ATP8B4: variants seen among roughly 807,000 people sequenced by gnomAD.
The protein encoded by ATP8B4 is probable phospholipid-transporting ATPase IM.
In ATP8B4, 133 loss-of-function variants were observed where a neutral mutation model predicts 145.6. The ratio of observed to expected loss-of-function variants is 0.91; its 90% CI spans 0.79 to 1.05. The LOEUF is 1.05. Ranked by LOEUF, ATP8B4 falls within the 50% of genes least tolerant of loss-of-function variation. ATP8B4 has a pLI of 0.00. For synonymous variants in ATP8B4, 507 were observed against 492.9 expected (o/e 1.03, Z -0.38); for missense variants, 1,458 against 1,425.2 (o/e 1.02, Z -0.37).
intron 23 of ATP8B4, among the ~76,000 whole-genome samples, chr15:49,883,717 T>C (rs1278435489): frequency 6.6e-6 from 1 of 152,126 alleles, no homozygotes; most frequent in Non-Finnish European, 1.5e-5. Flanking sequence ...TCACATTGCA[T>C]GCCTGTATCA....
At chr15:49,920,779 G>A (rs28627943) in intron 17 of ATP8B4, among the ~76,000 whole-genome samples, 34,587 of 151,982 alleles carry the variant, frequency 0.23, 5,629 homozygotes, top group African/African-American at 0.46. Context: ...TTCTGGCCAT[G>A]AGAGGGACCC....
rs148406005 is a variant in ATP8B4 at position 50,150,025 on chromosome 15, C to T, written c.-43+32236G>A. On this transcript the variant is annotated intron_variant, in intron 1 of 3. Transcript: ENST00000558829. ...CTGAGGCAGGAGAATCGCTTGAACCCGGGAGGTGGAGGTTGCAGTGAGCCA... is the reference window on the plus strand; with the variant it reads ...CTGAGGCAGGAGAATCGCTTGAACCTGGGAGGTGGAGGTTGCAGTGAGCCA... 3.4e-3 allele frequency among the ~76,000 whole-genome samples: 519 copies of T among 151,752 alleles called. 8 individuals are homozygous for T. The East Asian group carries it at 0.054, about 16-fold the overall frequency.
chr15:50,160,704 A>G (rs558343877), intron 1 of ATP8B4, among the ~76,000 whole-genome samples: 1 of 150,726 alleles, frequency 6.6e-6, no homozygotes, highest in Non-Finnish European at 1.5e-5. Flanking sequence ...CTTGTTACTG[A>G]TTTCTTTTTT....
At chr15:50,116,671 A>T (rs554625014) in intron 1 of ATP8B4, among the ~76,000 whole-genome samples, 1 of 152,272 alleles carries the variant, frequency 6.6e-6, no homozygotes, top group South Asian at 2.1e-4. Context: ...AGGGCGCTCA[A>T]CTTCAAAAGA....
At chr15:50,020,155 CAT>C (rs1413190969) in intron 6 of ATP8B4, among the ~76,000 whole-genome samples, 1 of 151,192 alleles carries the variant, frequency 6.6e-6, no homozygotes, top group African/African-American at 2.4e-5. Flanking sequence ...GGGTTTTGCC[CAT>C]TTGCCCAGGT....
chr15:49,988,236 C>T (rs193246708), intron 9 of ATP8B4, among the ~76,000 whole-genome samples: 80 of 152,252 alleles, frequency 5.3e-4, no homozygotes, highest in East Asian at 3.7e-3. Flanking sequence ...TCCAAATCAA[C>T]GAATCAATTC....
chr15:50,038,851 G>A (rs770127417), intron 5 of ATP8B4, 22 bp from the exon 6 acceptor site: 2 of 1,601,744 alleles, frequency 1.2e-6, no homozygotes, highest in South Asian at 1.1e-5. Context: ...AAGTGTTTGT[G>A]AGAAAACACA....
At chr15:50,019,234 T>C (rs1053993388) in intron 6 of ATP8B4, among the ~76,000 whole-genome samples, 2 of 152,206 alleles carry the variant, frequency 1.3e-5, no homozygotes, top group Non-Finnish European at 1.5e-5. Flanking sequence ...TGATGTAGCA[T>C]AGTAGAAGAG....
intron 6 of ATP8B4, among the ~76,000 whole-genome samples, chr15:50,025,824 C>T (rs1325530390): frequency 6.6e-6 from 1 of 152,174 alleles, no homozygotes; most frequent in African/African-American, 2.4e-5. Flanking sequence ...CAATGCCTGG[C>T]ACACAGGATT....
intron 15 of ATP8B4, among the ~76,000 whole-genome samples, chr15:49,932,187 GCTATA>G (rs971891743): frequency 1.3e-5 from 2 of 151,714 alleles, no homozygotes; most frequent in Admixed American, 1.3e-4. Flanking sequence ...CATATTAATG[GCTATA>G]CTATGAGTTC....
chr15:50,132,687 C>G (rs945738288), intron 1 of ATP8B4, among the ~76,000 whole-genome samples: 1 of 152,150 alleles, frequency 6.6e-6, no homozygotes, highest in African/African-American at 2.4e-5. Context: ...ACTATTCACA[C>G]TAGCAAAGAC....
chr15:50,036,677 T>C (rs1168156149), intron 6 of ATP8B4, among the ~76,000 whole-genome samples: 2 of 152,166 alleles, frequency 1.3e-5, no homozygotes, highest in Non-Finnish European at 2.9e-5. Context: ...TGCAAGGACT[T>C]GTTACAGCAT....
chr15:50,008,414 C>T lies in ATP8B4; in HGVS notation c.435+2431G>A, dbSNP rs574707015. 3.3e-5 allele frequency among the ~76,000 whole-genome samples: 5 copies of T among 152,276 alleles called. No individual in the cohort carries two copies. In the South Asian group the frequency reaches 1.0e-3, roughly 32 times the overall value. ...GAAGAGTGGAAAATAAGCATTCTCACCCCATCATGGGAACCACCATAAAAG... is the reference window on the plus strand; with the variant it reads ...GAAGAGTGGAAAATAAGCATTCTCATCCCATCATGGGAACCACCATAAAAG... On this transcript the variant is annotated intron_variant, in intron 7 of 27. Transcript: ENST00000284509.
At chr15:50,041,662 G>A (rs1324216088) in intron 5 of ATP8B4, among the ~76,000 whole-genome samples, 1 of 152,116 alleles carries the variant, frequency 6.6e-6, no homozygotes, top group East Asian at 1.9e-4. Context: ...AAAAATCTGG[G>A]GCCAGGCATG....
intron 21 of ATP8B4, 51 bp from the exon 22 acceptor site, chr15:49,898,302 G>T (rs2037639738): frequency 6.5e-7 from 1 of 1,532,336 alleles, no homozygotes; most frequent in Non-Finnish European, 8.9e-7. Flanking sequence ...AATAAATGAG[G>T]GTTGAGAAAC....
chr15:49,923,965 C>T (rs1436485971), intron 16 of ATP8B4, among the ~76,000 whole-genome samples: 2 of 151,840 alleles, frequency 1.3e-5, no homozygotes, highest in Non-Finnish European at 2.9e-5. Context: ...TTTTTCTTGG[C>T]CCTTGCTGAC....
At chr15:50,093,774 A>G (rs8041683) in intron 2 of ATP8B4, among the ~76,000 whole-genome samples, 139,004 of 152,124 alleles carry the variant, frequency 0.91, 63,582 homozygotes, top group African/African-American at 0.97. Context: ...ATATTAAAGA[A>G]TTTAAAGTAA....
Position 49,961,967 on chromosome 15 carries a change from A to C in ATP8B4, c.1287+10T>G. 1 of 1,580,610 alleles carries C rather than the reference A, an allele frequency of 6.3e-7. No homozygotes were observed. Among genetic ancestry groups the C allele is most frequent in the Admixed American group, 2.0e-5 (1 of 50,964 alleles). On this transcript the variant is annotated intron_variant, in intron 14 of 27. Coordinates refer to ENST00000284509, the MANE Select transcript of ATP8B4 (RefSeq NM_024837.4). Reference sequence around the variant, plus strand: ...TTAAAACTAAGAATAAAATTTTATCACTTCCACACCTGAGTTATTTCTGTC... The same window carrying C: ...TTAAAACTAAGAATAAAATTTTATCCCTTCCACACCTGAGTTATTTCTGTC...
At chr15:49,959,527 T>C (rs967979132) in intron 14 of ATP8B4, among the ~76,000 whole-genome samples, 9 of 152,046 alleles carry the variant, frequency 5.9e-5, no homozygotes, top group African/African-American at 1.9e-4. Flanking sequence ...AGGGATAAAA[T>C]TGTCTCTATT....
Sources: allele counts gnomAD v4.1 joint callset (sites outside exome capture counted in the v4.1 genomes callset), GRCh38; gene constraint gnomAD v4.1.1; transcripts MANE v1.5; gene names NCBI Gene and HGNC (gene_info 2026-07-23, HGNC 2026-07-21).